The following NRG1 variants were observed in gnomAD, a reference collection of about 807,000 sequenced individuals.
NRG1 encodes the protein pro-neuregulin-1, membrane-bound isoform.
A neutral mutation model predicts 63.8 loss-of-function variants in NRG1; 18 were observed. The ratio of observed to expected loss-of-function variants is 0.28; its 90% CI spans 0.19 to 0.42. The LOEUF is 0.42. Ranked by LOEUF, NRG1 falls within the 10% of genes least tolerant of loss-of-function variation. NRG1 has a pLI of 1.00. For missense variants in NRG1, 762 were observed against 814.7 expected (o/e 0.94, Z 0.79); for synonymous variants, 302 against 301.3 (o/e 1.00, Z -0.02).
At chr8:32,291,141 G>A (rs1854149636) in intron 1 of NRG1, among the ~76,000 whole-genome samples, 2 of 152,250 alleles carry the variant, frequency 1.3e-5, no homozygotes, top group South Asian at 2.1e-4. Context: ...GGGGAAGGTC[G>A]CCATTTTGTT....
At chr8:31,707,694 C>T (rs971177052) in intron 1 of NRG1, among the ~76,000 whole-genome samples, 4 of 152,068 alleles carry the variant, frequency 2.6e-5, no homozygotes. Context: ...TGCACATCAA[C>T]TTTATCAGCT....
intron 1 of NRG1, among the ~76,000 whole-genome samples, chr8:32,524,400 C>T (rs1487318717): frequency 6.6e-6 from 1 of 152,276 alleles, no homozygotes; most frequent in East Asian, 1.9e-4. Flanking sequence ...CTGATTTCTT[C>T]CCAACCTTCC....
intron 5 of NRG1, among the ~76,000 whole-genome samples, chr8:32,703,994 G>C (rs1003921343): frequency 1.3e-5 from 2 of 152,162 alleles, no homozygotes; most frequent in African/African-American, 4.8e-5. Context: ...GGAATATGCT[G>C]AACAAGCACT....
intron 1 of NRG1, among the ~76,000 whole-genome samples, chr8:32,225,906 C>T (rs1846268506): frequency 6.6e-6 from 1 of 152,086 alleles, no homozygotes; most frequent in Admixed American, 6.6e-5. Flanking sequence ...AGTCTTCCTA[C>T]CTTTAGTCTT....
chr8:32,756,643 C>T (rs1829758866), intron 9 of NRG1, 114 bp downstream of exon 9: 2 of 1,391,488 alleles, frequency 1.4e-6, no homozygotes, highest in African/African-American at 2.9e-5. Context: ...ATCACCATGG[C>T]TTCCAGGAAT....
chr8:32,266,415 C>A (rs1410357101), intron 1 of NRG1, among the ~76,000 whole-genome samples: 2 of 152,082 alleles, frequency 1.3e-5, no homozygotes, highest in African/African-American at 2.4e-5. Context: ...GCCTAAATTT[C>A]TTGAAAGGAC....
chr8:32,033,321 A>G (rs148323373), intron 1 of NRG1, among the ~76,000 whole-genome samples: 2,064 of 152,152 alleles, frequency 0.014, 15 homozygotes, highest in Middle Eastern at 0.038. Context: ...CTGTTTTTGT[A>G]CTAGTACCAT....
chr8:32,513,734 A>G (rs1829499325), intron 1 of NRG1, among the ~76,000 whole-genome samples: 1 of 152,138 alleles, frequency 6.6e-6, no homozygotes, highest in Non-Finnish European at 1.5e-5. Context: ...GATCTGTGTC[A>G]CAAAACAAAA....
At chr8:32,224,660 A>G (rs376023499) in intron 1 of NRG1, among the ~76,000 whole-genome samples, 6 of 152,320 alleles carry the variant, frequency 3.9e-5, no homozygotes, top group Non-Finnish European at 5.9e-5. Context: ...GAAGTCTGTC[A>G]TTGCTCTCTC....
At chr8:32,523,964 A>G (rs1830571927) in intron 1 of NRG1, among the ~76,000 whole-genome samples, 1 of 151,868 alleles carries the variant, frequency 6.6e-6, no homozygotes, top group Non-Finnish European at 1.5e-5. Context: ...ATCTCTGACC[A>G]AAGAACTGGC....
intron 1 of NRG1, among the ~76,000 whole-genome samples, chr8:32,056,145 A>G (rs1822896166): frequency 6.6e-6 from 1 of 152,178 alleles, no homozygotes; most frequent in Admixed American, 6.6e-5. Flanking sequence ...TCTGACGAGA[A>G]TGTTGAGTTG....
chr8:32,054,003 G>A (rs1822427478), intron 1 of NRG1, among the ~76,000 whole-genome samples: 1 of 152,102 alleles, frequency 6.6e-6, no homozygotes, highest in Non-Finnish European at 1.5e-5. Flanking sequence ...AAAAAATATA[G>A]ACAGTTAAAA....
At chr8:32,768,944 T>C (rs1249287607), downstream of NRG1, among the ~76,000 whole-genome samples, 1 of 152,226 alleles carries the variant, frequency 6.6e-6, no homozygotes, top group African/African-American at 2.4e-5. Context: ...GAAATTTAAA[T>C]TGTAGCTTTT....
At chr8:31,829,168 A>C (rs916409261) in intron 1 of NRG1, among the ~76,000 whole-genome samples, 32 of 152,194 alleles carry the variant, frequency 2.1e-4, no homozygotes, top group African/African-American at 7.2e-4. Flanking sequence ...GAATTGTCTT[A>C]ATGCATACAT....
At chr8:32,408,804 T>A (rs1814469843) in intron 1 of NRG1, among the ~76,000 whole-genome samples, 1 of 152,188 alleles carries the variant, frequency 6.6e-6, no homozygotes. Flanking sequence ...GTTACATGGA[T>A]ATAACTCTGG....
intron 1 of NRG1, among the ~76,000 whole-genome samples, chr8:32,040,750 C>CATATATGTGTATATATATATATATGTAT (rs1819864113): frequency 2.1e-5 from 1 of 48,684 alleles, no homozygotes; most frequent in African/African-American, 6.1e-5. Context: ...AATTTAGGCG[C>CATATATGTGTATATATATATATATGTAT]ATATATATAT....
chr8:32,089,177 C>G (rs1331431767), intron 1 of NRG1, among the ~76,000 whole-genome samples: 2 of 152,190 alleles, frequency 1.3e-5, no homozygotes. Context: ...GCAGCGCACT[C>G]TGCCATGGTG....
intron 1 of NRG1, among the ~76,000 whole-genome samples, chr8:32,016,713 C>T (rs1815602111): frequency 6.6e-6 from 1 of 151,950 alleles, no homozygotes; most frequent in South Asian, 2.1e-4. Flanking sequence ...TTTCCATTCC[C>T]AATTTAAATG....
At chr8:31,738,664 G>A (rs1263586724) in intron 1 of NRG1, among the ~76,000 whole-genome samples, 1 of 152,048 alleles carries the variant, frequency 6.6e-6, no homozygotes, top group African/African-American at 2.4e-5. Flanking sequence ...TCAAGGTGTT[G>A]GCAGGGCCAT....
Sources: gnomAD v4.1 joint callset for allele counts (sites outside exome capture counted in the v4.1 genomes callset) on GRCh38, gnomAD v4.1.1 for gene constraint, MANE v1.5 for transcripts, NCBI Gene and HGNC (gene_info 2026-07-23, HGNC 2026-07-21) for gene names.